The following CENPU variants were observed in gnomAD, a reference collection of about 807,000 sequenced individuals.
CENPU encodes KSHV latent nuclear antigen interacting protein 1.
CENPU carries 46 observed loss-of-function variants against 56.7 expected under a neutral mutation model. The observed-to-expected ratio is 0.81, with a 90% CI of 0.64 to 1.04. CENPU has a LOEUF of 1.04. Among genes scored for constraint, CENPU ranks in the 50% least tolerant of loss-of-function variants. The probability of loss-of-function intolerance (pLI) is 0.00; values close to 1 mark genes in which losing one functional copy is unlikely to be tolerated. For missense variants in CENPU, 510 were observed against 490.1 expected (o/e 1.04, Z -0.38); for synonymous variants, 166 against 163.0 (o/e 1.02, Z -0.14).
chr4:184,700,706 G>C (rs1230214983), intron 11 of CENPU, 114 bp downstream of exon 11: 34 of 936,894 alleles, frequency 3.6e-5, no homozygotes, highest in Non-Finnish European at 5.2e-6. Context: ...ATCGGAGCTT[G>C]AAGATAACCT....
In CENPU at chr4:184,734,080, T is replaced by A. The variant is rs908674876; in HGVS notation, c.-18A>T. On this transcript the variant is annotated 5_prime_UTR_variant, in exon 1 of 13. Coordinates refer to ENST00000281453, the MANE Select transcript of CENPU (RefSeq NM_024629.4). ...GGGGCCATGGTGCCGCTCTCCGCTC[T>A]CGAGCGACTGGAAGCTCCCGCCAAG... is the stretch of plus-strand genomic sequence containing the variant. The A allele has an allele frequency of 1.3e-6, 2 of 1,545,716 alleles. No individual in the cohort carries two copies. The highest frequency in any genetic ancestry group is 1.7e-6 in the Non-Finnish European group (2 of 1,147,242).
At chr4:184,696,614 T>C (rs1760332046) in intron 12 of CENPU, among the ~76,000 whole-genome samples, 2 of 152,036 alleles carry the variant, frequency 1.3e-5, no homozygotes, top group African/African-American at 4.8e-5. Flanking sequence ...AAAATTAATT[T>C]AGATCAGTGT....
At chr4:184,723,915 T>C (rs983673563) in intron 4 of CENPU, among the ~76,000 whole-genome samples, 2 of 150,116 alleles carry the variant, frequency 1.3e-5, no homozygotes, top group South Asian at 2.1e-4. Flanking sequence ...TTCCCTAGTG[T>C]AGACAATCTC....
At chr4:184,700,129 G>T (rs1760483334) in intron 11 of CENPU, among the ~76,000 whole-genome samples, 1 of 152,098 alleles carries the variant, frequency 6.6e-6, no homozygotes, top group South Asian at 2.1e-4. Flanking sequence ...TCTCACAACA[G>T]CCCTGGCCTC....
chr4:184,729,129 C>T, intron 2 of CENPU, 94 bp from the exon 3 acceptor site: 1 of 959,778 alleles, frequency 1.0e-6, no homozygotes, highest in South Asian at 1.4e-5. Context: ...TCACTGCTGC[C>T]TAAGGAAGCA....
intron 4 of CENPU, among the ~76,000 whole-genome samples, chr4:184,724,126 C>G (rs1761376560): frequency 6.6e-6 from 1 of 151,718 alleles, no homozygotes; most frequent in Non-Finnish European, 1.5e-5. Context: ...ATCAGCTGGG[C>G]ATGGTGGCGG....
At chr4:184,733,147 C>G (rs6845957) in intron 1 of CENPU, among the ~76,000 whole-genome samples, 6,367 of 152,292 alleles carry the variant, frequency 0.042, 228 homozygotes, top group Non-Finnish European at 0.065. Context: ...TTTCAGCTGA[C>G]ATTGAAGGCT....
intron 4 of CENPU, among the ~76,000 whole-genome samples, chr4:184,722,211 T>C (rs1265527305): frequency 1.3e-5 from 2 of 151,974 alleles, no homozygotes; most frequent in African/African-American, 4.8e-5. Flanking sequence ...AAACACAACA[T>C]ACCAAAACCT....
At chr4:184,731,059 C>CAAA in intron 1 of CENPU, 91 bp from the exon 2 acceptor site, 3 of 681,428 alleles carry the variant, frequency 4.4e-6, no homozygotes, top group South Asian at 2.4e-5. Context: ...GCATTTTTAC[C>CAAA]AAAAAAAAAA....
chr4:184,731,494 T>C (rs1382438411), intron 1 of CENPU, among the ~76,000 whole-genome samples: 2 of 152,170 alleles, frequency 1.3e-5, no homozygotes, highest in Non-Finnish European at 2.9e-5. Context: ...CAGCTTCAAA[T>C]GATAAAGTTG....
intron 7 of CENPU, 146 bp downstream of exon 7, chr4:184,712,798 G>A: frequency 1.7e-6 from 1 of 574,694 alleles, no homozygotes; most frequent in Non-Finnish European, 3.0e-6. Context: ...AGAAAAAAAT[G>A]TTACTCCAAA....
rs763702667 is a variant in CENPU at position 184,734,035 on chromosome 4, G to A, written c.28C>T (p.Arg10Trp). 19 of 1,584,222 alleles carry A rather than the reference G, an allele frequency of 1.2e-5. No individual in the cohort carries two copies. Among genetic ancestry groups the A allele is most frequent in the Non-Finnish European group, 1.3e-5 (15 of 1,168,066 alleles). The change falls in exon 1 of 13, where the codon CGG (arginine) becomes TGG (tryptophan). Residue 10 changes from arginine (R) to tryptophan (W), a missense_variant. Physicochemically the swap from Arg to Trp is moderately radical, Grantham distance 101. Coordinates refer to ENST00000281453, the MANE Select transcript of CENPU (RefSeq NM_024629.4). ...ACTTACCCCTCAGACCTGTGAGGCC[G>A]CGGCCGCCGCCGCCCCCGCGGGGCC... MAPRGRRRP[R>W]PHRSEGARRS...
At position 184,715,636 on chromosome 4, in the gene CENPU, G is replaced by GT. The variant is rs540073647; in HGVS notation, c.618+760dup. Reference sequence around the variant, plus strand: ...CTAAGACCCAGAATTCTTATCAGCAGTTTTTTTCTAAGGAAATGATCTAAG... The same window carrying GT: ...CTAAGACCCAGAATTCTTATCAGCAGTTTTTTTTCTAAGGAAATGATCTAAG... On this transcript the variant is annotated intron_variant, in intron 6 of 12. Coordinates refer to ENST00000281453, the MANE Select transcript of CENPU (RefSeq NM_024629.4). Among the ~76,000 whole-genome samples the GT allele has an allele frequency of 4.6e-5, 7 of 152,144 alleles. No homozygotes were observed. The East Asian group carries it at 5.8e-4, about 13-fold the overall frequency.
At chr4:184,712,798 G>T in intron 7 of CENPU, 146 bp downstream of exon 7, 1 of 574,694 alleles carries the variant, frequency 1.7e-6, no homozygotes, top group African/African-American at 2.0e-5. Flanking sequence ...AGAAAAAAAT[G>T]TTACTCCAAA....
At position 184,714,363 on chromosome 4, in the gene CENPU, T is replaced by C. The variant is rs56161821; in HGVS notation, c.619-1350A>G. On this transcript the variant is annotated intron_variant, in intron 6 of 12. Transcript: ENST00000281453. ...GGAGAGAGGGACAGGTAAAAGACTA[T>C]AGAGCTGCTGCTTCTCATACTTTTC... Among the ~76,000 whole-genome samples, 1,104 of 152,206 alleles carry C rather than the reference T, an allele frequency of 7.3e-3. 14 individuals are homozygous for C. Among genetic ancestry groups the C allele is most frequent in the African/African-American group, 0.025 (1,047 of 41,516 alleles).
intron 1 of CENPU, chr4:184,733,436 C>G: frequency 1.0e-6 from 1 of 990,750 alleles, no homozygotes; most frequent in African/African-American, 1.7e-5. Flanking sequence ...GATGGCCATT[C>G]GCCAACGAAT....
chr4:184,733,426 G>A, intron 1 of CENPU: 8 of 993,058 alleles, frequency 8.1e-6, no homozygotes, highest in Non-Finnish European at 9.6e-6. Flanking sequence ...CCGGGCCTTG[G>A]ATGGCCATTC....
chr4:184,721,139 T>C (rs926726207), intron 4 of CENPU, among the ~76,000 whole-genome samples: 1 of 152,230 alleles, frequency 6.6e-6, no homozygotes, highest in Non-Finnish European at 1.5e-5. Context: ...TAGTTTTTAT[T>C]AGTTTTCTTT....
At chr4:184,730,063 G>T (rs1320350754) in intron 2 of CENPU, among the ~76,000 whole-genome samples, 1 of 152,184 alleles carries the variant, frequency 6.6e-6, no homozygotes, top group Non-Finnish European at 1.5e-5. Context: ...CCCCTCCCAA[G>T]GCATAGGGGG....
Sources: allele counts gnomAD v4.1 joint callset (sites outside exome capture counted in the v4.1 genomes callset), GRCh38; gene constraint gnomAD v4.1.1; transcripts MANE v1.5; gene names NCBI Gene and HGNC (gene_info 2026-07-23, HGNC 2026-07-21).